The following RABGAP1L variants were observed in gnomAD, a reference collection of about 807,000 sequenced individuals.
RABGAP1L encodes the protein RAB GTPase activating protein 1 like, also known as rab GTPase-activating protein 1-like.
Under a neutral mutation model 137.7 loss-of-function variants are expected in RABGAP1L, and 63 were observed. The ratio of observed to expected loss-of-function variants is 0.46; its 90% CI spans 0.37 to 0.56. RABGAP1L has a LOEUF of 0.56. RABGAP1L is among the 20% of genes least tolerant of loss of function. The pLI is 0.00. For synonymous variants in RABGAP1L, 431 were observed against 433.7 expected, an observed-to-expected ratio of 0.99 and a Z score of 0.08; for missense variants, 1,095 against 1,244.0, an observed-to-expected ratio of 0.88 and a Z score of 1.80.
intron 13 of RABGAP1L, among the ~76,000 whole-genome samples, chr1:174,616,516 A>G (rs1365694908): frequency 2.0e-5 from 3 of 152,194 alleles, no homozygotes; most frequent in Non-Finnish European, 4.4e-5. Context: ...AGAATTGGTC[A>G]TGGTCGACCT....
At chr1:174,290,887 G>A (rs968266220) in intron 10 of RABGAP1L, among the ~76,000 whole-genome samples, 24 of 151,264 alleles carry the variant, frequency 1.6e-4, no homozygotes, top group Admixed American at 1.2e-3. Context: ...TCAGCCTCCC[G>A]AGTAGCTGGG....
intron 13 of RABGAP1L, among the ~76,000 whole-genome samples, chr1:174,473,373 A>G (rs1658152429): frequency 6.6e-6 from 1 of 152,066 alleles, no homozygotes. Flanking sequence ...GTTCAAAGAG[A>G]TTTTTAAAGC....
At chr1:174,660,918 T>A (rs568449334) in intron 14 of RABGAP1L, among the ~76,000 whole-genome samples, 3 of 152,334 alleles carry the variant, frequency 2.0e-5, no homozygotes, top group East Asian at 3.9e-4. Context: ...ACATTATTTA[T>A]TTATTATGGC....
At chr1:174,972,634 C>A (rs1236742454) in intron 21 of RABGAP1L, among the ~76,000 whole-genome samples, 1 of 151,966 alleles carries the variant, frequency 6.6e-6, no homozygotes, top group East Asian at 1.9e-4. Context: ...AGGTGGATTG[C>A]CTGAGCTTAG....
At chr1:174,287,650 A>G (rs892856398) in intron 10 of RABGAP1L, among the ~76,000 whole-genome samples, 1 of 151,906 alleles carries the variant, frequency 6.6e-6, no homozygotes. Context: ...GCACCACCAC[A>G]CTTAGCTGAT....
intron 1 of RABGAP1L, among the ~76,000 whole-genome samples, chr1:174,185,582 A>G (rs1469116878): frequency 6.6e-6 from 1 of 152,328 alleles, no homozygotes; most frequent in Middle Eastern, 3.4e-3. Context: ...CTCCCTATAC[A>G]TTGTTTAATA....
intron 11 of RABGAP1L, among the ~76,000 whole-genome samples, chr1:174,346,144 G>A (rs1453185029): frequency 1.3e-5 from 2 of 152,042 alleles, no homozygotes; most frequent in African/African-American, 2.4e-5. Flanking sequence ...AGTTTGGTTT[G>A]CCTAGCATTT....
At chr1:174,532,005 T>C (rs567735758) in intron 13 of RABGAP1L, among the ~76,000 whole-genome samples, 1 of 152,044 alleles carries the variant, frequency 6.6e-6, no homozygotes, top group South Asian at 2.1e-4. Flanking sequence ...TACTGTAGTA[T>C]GTTTGCTGCC....
At chr1:174,989,514 A>G (rs1671898054) in intron 25 of RABGAP1L, among the ~76,000 whole-genome samples, 1 of 152,216 alleles carries the variant, frequency 6.6e-6, no homozygotes. Flanking sequence ...ATCAGTAAAA[A>G]TTCATCCATA....
chr1:174,563,272 C>T (rs943145428), intron 13 of RABGAP1L, among the ~76,000 whole-genome samples: 9 of 152,038 alleles, frequency 5.9e-5, no homozygotes, highest in Non-Finnish European at 2.9e-5. Context: ...TATGTGAAAG[C>T]TTTGATGAAA....
chr1:174,377,897 C>T (rs1209104253), intron 12 of RABGAP1L, among the ~76,000 whole-genome samples: 84 of 126,076 alleles, frequency 6.7e-4, no homozygotes, highest in African/African-American at 2.9e-3. Context: ...AACTCATCAT[C>T]TAGCATTAGG....
intron 11 of RABGAP1L, among the ~76,000 whole-genome samples, chr1:174,313,549 T>C (rs754106413): frequency 6.6e-6 from 1 of 152,216 alleles, no homozygotes; most frequent in East Asian, 1.9e-4. Context: ...TGGTGCTATA[T>C]TGAATAACAG....
At chr1:174,700,114 A>T (rs556829401) in intron 16 of RABGAP1L, among the ~76,000 whole-genome samples, 10 of 152,256 alleles carry the variant, frequency 6.6e-5, no homozygotes, top group Non-Finnish European at 1.5e-4. Context: ...ATTTTTAAAT[A>T]TAATTCCTAA....
intron 12 of RABGAP1L, among the ~76,000 whole-genome samples, chr1:174,385,242 T>C (rs1352906305): frequency 6.6e-6 from 1 of 152,246 alleles, no homozygotes; most frequent in African/African-American, 2.4e-5. Flanking sequence ...GTACTGACTG[T>C]ATTTGCTTCT....
chr1:174,342,396 C>T (rs1682050785), intron 11 of RABGAP1L, among the ~76,000 whole-genome samples: 1 of 151,956 alleles, frequency 6.6e-6, no homozygotes, highest in African/African-American at 2.4e-5. Context: ...TTCGTTTTTC[C>T]CAAGCACATG....
At chr1:174,409,869 G>T (rs932172651) in intron 13 of RABGAP1L, among the ~76,000 whole-genome samples, 1 of 152,158 alleles carries the variant, frequency 6.6e-6, no homozygotes, top group South Asian at 2.1e-4. Flanking sequence ...CCTGTTTTCT[G>T]TTGTTTAAGA....
Position 174,820,387 on chromosome 1 carries a change from A to G in RABGAP1L, c.2340+8427A>G, listed in dbSNP as rs1690892314. The stretch of plus-strand genomic sequence containing the variant: ...ATACTCCCACCATGGCCAAATTTCA[A>G]GCTACCAATGACTTAACCGCCCCAC... On this transcript the variant is annotated intron_variant, in intron 19 of 25. Coordinates refer to ENST00000681986, the MANE Select transcript of RABGAP1L (RefSeq NM_001366446.1). Among the ~76,000 whole-genome samples the G allele has an allele frequency of 2.0e-5, 3 of 152,174 alleles. No homozygotes were observed. In the South Asian group the frequency reaches 6.2e-4, roughly 32 times the overall value.
chr1:174,273,894 C>G (rs1311325632), intron 8 of RABGAP1L, among the ~76,000 whole-genome samples: 1 of 152,128 alleles, frequency 6.6e-6, no homozygotes, highest in Admixed American at 6.5e-5. Flanking sequence ...CATTCATGCT[C>G]TCAGACAGAG....
chr1:174,244,515 G>A (rs1672093319), intron 5 of RABGAP1L: 1 of 152,192 alleles, frequency 6.6e-6, no homozygotes. Context: ...GAAGGGTTAG[G>A]ACACATTTGA....
Sources: allele counts gnomAD v4.1 joint callset (sites outside exome capture counted in the v4.1 genomes callset), GRCh38; gene constraint gnomAD v4.1.1; transcripts MANE v1.5; gene names NCBI Gene and HGNC (gene_info 2026-07-23, HGNC 2026-07-21).